The following SYNDIG1 variants were observed in gnomAD, a reference collection of about 807,000 sequenced individuals.
The protein encoded by SYNDIG1 is synapse differentiation inducing 1, also known as synapse differentiation-inducing gene protein 1.
A neutral mutation model predicts 19.4 loss-of-function variants in SYNDIG1; 9 were observed. That is an observed-to-expected ratio of 0.46 (90% CI 0.28 to 0.81). The LOEUF (loss-of-function observed/expected upper bound fraction) is 0.81. SYNDIG1 is among the 30% of genes least tolerant of loss of function. The probability of loss-of-function intolerance (pLI) is 0.12; values close to 1 mark genes in which losing one functional copy is unlikely to be tolerated. For synonymous variants in SYNDIG1, 141 were observed against 145.9 expected, an observed-to-expected ratio of 0.97 and a Z score of 0.24; for missense variants, 311 against 343.3, an observed-to-expected ratio of 0.91 and a Z score of 0.74.
At chr20:24,573,216 A>T (rs2058173430) in intron 2 of SYNDIG1, among the ~76,000 whole-genome samples, 1 of 152,230 alleles carries the variant, frequency 6.6e-6, no homozygotes, top group South Asian at 2.1e-4. Flanking sequence ...ACAGGCAATG[A>T]TAACTTGACA....
chr20:24,587,337 T>G (rs1568664539), intron 3 of SYNDIG1, among the ~76,000 whole-genome samples: 1 of 151,916 alleles, frequency 6.6e-6, no homozygotes, highest in African/African-American at 2.4e-5. Context: ...TGGAGCTGAG[T>G]CCCCTTGGCA....
chr20:24,618,464 C>T (rs2058983947), intron 3 of SYNDIG1, among the ~76,000 whole-genome samples: 1 of 152,114 alleles, frequency 6.6e-6, no homozygotes, highest in South Asian at 2.1e-4. Context: ...GGGGCTCAGC[C>T]TCTCCTTCTC....
At chr20:24,503,326 C>T (rs867670203) in intron 1 of SYNDIG1, among the ~76,000 whole-genome samples, 3 of 152,122 alleles carry the variant, frequency 2.0e-5, no homozygotes, top group Middle Eastern at 3.2e-3. Flanking sequence ...ATGATCCTAA[C>T]AAGGTGGAGG....
At chr20:24,546,074 C>T (rs866791602) in intron 2 of SYNDIG1, among the ~76,000 whole-genome samples, 10 of 152,190 alleles carry the variant, frequency 6.6e-5, no homozygotes, top group South Asian at 6.2e-4. Context: ...CTTCTACATG[C>T]GGCTCAGGAT....
intron 3 of SYNDIG1, among the ~76,000 whole-genome samples, chr20:24,615,503 T>G (rs1437585565): frequency 6.6e-6 from 1 of 152,164 alleles, no homozygotes; most frequent in Non-Finnish European, 1.5e-5. Flanking sequence ...TGTAGGGCTT[T>G]GCGGGAGCCT....
At chr20:24,663,600 C>T (rs1054734498) in intron 3 of SYNDIG1, among the ~76,000 whole-genome samples, 1 of 152,186 alleles carries the variant, frequency 6.6e-6, no homozygotes, top group African/African-American at 2.4e-5. Context: ...TGGGCTCTGC[C>T]TTGGGGAGCT....
intron 1 of SYNDIG1, among the ~76,000 whole-genome samples, chr20:24,518,194 A>G (rs979853426): frequency 6.6e-6 from 1 of 152,154 alleles, no homozygotes; most frequent in Non-Finnish European, 1.5e-5. Context: ...AATGGACTAC[A>G]TGGAATATTG....
chr20:24,654,838 G>A (rs970020301), intron 3 of SYNDIG1, among the ~76,000 whole-genome samples: 2 of 152,184 alleles, frequency 1.3e-5, no homozygotes, highest in African/African-American at 4.8e-5. Context: ...TGCTAGACCT[G>A]TTGACAGAAT....
At chr20:24,646,247 T>C (rs2059421717) in intron 3 of SYNDIG1, among the ~76,000 whole-genome samples, 1 of 152,196 alleles carries the variant, frequency 6.6e-6, no homozygotes, top group Non-Finnish European at 1.5e-5. Context: ...TAAGCAACAC[T>C]GCCTATACAC....
Position 24,496,402 on chromosome 20 carries a change from A to T in SYNDIG1, c.-79+26649A>T, listed in dbSNP as rs80144328. 8.6e-4 allele frequency among the ~76,000 whole-genome samples: 131 copies of T among 152,248 alleles called. 1 individual carries two copies. Among genetic ancestry groups the T allele is most frequent in the African/African-American group, 3.0e-3 (126 of 41,546 alleles). On this transcript the variant is annotated intron_variant, in intron 1 of 3. Coordinates refer to ENST00000376862, the MANE Select transcript of SYNDIG1 (RefSeq NM_024893.3). Reference sequence around the variant, plus strand: ...GTCTTCTGTGATTTCTTCCAATGAGATGTCTTGTAGCTCTCAGCAGACAAA... The same window carrying T: ...GTCTTCTGTGATTTCTTCCAATGAGTTGTCTTGTAGCTCTCAGCAGACAAA...
intron 1 of SYNDIG1, among the ~76,000 whole-genome samples, chr20:24,502,857 A>G (rs774841841): frequency 1.3e-5 from 2 of 152,234 alleles, no homozygotes; most frequent in Non-Finnish European, 2.9e-5. Flanking sequence ...TGATTCATAC[A>G]GTGCCTGCTG....
chr20:24,643,367 G>A (rs777611242), intron 3 of SYNDIG1, among the ~76,000 whole-genome samples: 1 of 152,166 alleles, frequency 6.6e-6, no homozygotes, highest in Non-Finnish European at 1.5e-5. Flanking sequence ...ATCAGCTAGA[G>A]TGCCATGTTC....
At chr20:24,554,115 T>C (rs1424168830) in intron 2 of SYNDIG1, among the ~76,000 whole-genome samples, 1 of 152,200 alleles carries the variant, frequency 6.6e-6, no homozygotes, top group African/African-American at 2.4e-5. Context: ...TTGTCTTTTA[T>C]TGGTGTATAA....
intron 3 of SYNDIG1, among the ~76,000 whole-genome samples, chr20:24,656,770 T>C (rs941620553): frequency 4.6e-5 from 7 of 152,348 alleles, no homozygotes; most frequent in African/African-American, 1.7e-4. Flanking sequence ...AAGCTAAGCC[T>C]GAATCTGTGA....
At chr20:24,610,085 T>A (rs1052968568) in intron 3 of SYNDIG1, among the ~76,000 whole-genome samples, 1 of 152,124 alleles carries the variant, frequency 6.6e-6, no homozygotes, top group African/African-American at 2.4e-5. Flanking sequence ...GAAGAGCAGG[T>A]GGGCAATACT....
At chr20:24,640,485 G>C (rs779374377) in intron 3 of SYNDIG1, among the ~76,000 whole-genome samples, 1 of 78,796 alleles carries the variant, frequency 1.3e-5, no homozygotes, top group Non-Finnish European at 3.3e-5. Context: ...AAGGAAGGAA[G>C]GAAGGAAGGA....
At chr20:24,661,070 G>A (rs908900638) in intron 3 of SYNDIG1, among the ~76,000 whole-genome samples, 14 of 152,230 alleles carry the variant, frequency 9.2e-5, no homozygotes, top group Middle Eastern at 3.2e-3. Flanking sequence ...TCAGCACACC[G>A]TCAGTCCTTC....
At chr20:24,543,638 C>T (rs2057515055) in intron 2 of SYNDIG1, 61 bp downstream of exon 2, 1 of 1,552,944 alleles carries the variant, frequency 6.4e-7, no homozygotes, top group Non-Finnish European at 8.7e-7. Flanking sequence ...CTAGGGAGGG[C>T]AGGAGCCATG....
chr20:24,493,661 T>G (rs1305648329), intron 1 of SYNDIG1, among the ~76,000 whole-genome samples: 1 of 152,258 alleles, frequency 6.6e-6, no homozygotes, highest in East Asian at 1.9e-4. Context: ...GCCTGAAATC[T>G]AGCACCTAGA....
Sources: gnomAD v4.1 joint callset for allele counts (sites outside exome capture counted in the v4.1 genomes callset) on GRCh38, gnomAD v4.1.1 for gene constraint, MANE v1.5 for transcripts, NCBI Gene and HGNC (gene_info 2026-07-23, HGNC 2026-07-21) for gene names.